The following ELMO1 variants were observed in gnomAD, a reference collection of about 807,000 sequenced individuals.
ELMO1 encodes the protein engulfment and cell motility 1.
In ELMO1, 26 loss-of-function variants were observed where a neutral mutation model predicts 98.9. The ratio of observed to expected loss-of-function variants is 0.26; its 90% confidence interval spans 0.19 to 0.36. The LOEUF (loss-of-function observed/expected upper bound fraction) is 0.36, where lower values mean the gene tolerates loss of function less well. Among genes scored for constraint, ELMO1 ranks in the 10% least tolerant of loss-of-function variants. The pLI is 1.00. For missense variants in ELMO1, 627 were observed against 935.2 expected, an observed-to-expected ratio of 0.67 and a Z score of 4.30; for synonymous variants, 346 against 346.0, an observed-to-expected ratio of 1.00 and a Z score of 0.00.
rs73692604 is a variant in ELMO1 at position 37,113,647 on chromosome 7, C to T, written c.1192-16920G>A. ...AACAAGGGTGCTATGGACGGAATTG[C>T]ACCCTTCCAAAATTCACATGTTGAA... is the stretch of plus-strand genomic sequence containing the variant. On this transcript the variant is annotated intron_variant, in intron 14 of 21. Transcript: ENST00000310758. Among the ~76,000 whole-genome samples the T allele has an allele frequency of 4.1e-3, 630 of 152,290 alleles. 3 individuals are homozygous for T. Among genetic ancestry groups the T allele is most frequent in the African/African-American group, 0.013 (559 of 41,566 alleles).
chr7:37,309,570 C>T (rs564870721), intron 4 of ELMO1, among the ~76,000 whole-genome samples: 75 of 152,204 alleles, frequency 4.9e-4, no homozygotes, highest in African/African-American at 1.7e-3. Context: ...AAAGGCAGCA[C>T]GAAAGGGAAT....
chr7:37,437,326 G>A (rs1194842084), intron 1 of ELMO1, among the ~76,000 whole-genome samples: 1 of 152,124 alleles, frequency 6.6e-6, no homozygotes, highest in East Asian at 1.9e-4. Flanking sequence ...CAATAAAACA[G>A]TAAAATCTCA....
chr7:37,381,217 T>G (rs887522060), intron 1 of ELMO1, among the ~76,000 whole-genome samples: 7 of 152,230 alleles, frequency 4.6e-5, no homozygotes, highest in Non-Finnish European at 8.8e-5. Context: ...TGTCTAAGAT[T>G]ACCCAGCTGC....
intron 1 of ELMO1, among the ~76,000 whole-genome samples, chr7:37,344,517 C>T (rs1442542437): frequency 1.3e-5 from 2 of 152,174 alleles, no homozygotes; most frequent in African/African-American, 4.8e-5. Flanking sequence ...TATCATAAAC[C>T]AAACTGTGAT....
chr7:37,130,869 T>C (rs1407632006), intron 14 of ELMO1, among the ~76,000 whole-genome samples: 3 of 151,942 alleles, frequency 2.0e-5, no homozygotes, highest in Non-Finnish European at 2.9e-5. Flanking sequence ...ATTTATCAAA[T>C]GAAAGATATA....
chr7:37,042,226 A>G (rs1795557404), intron 15 of ELMO1, among the ~76,000 whole-genome samples: 1 of 151,984 alleles, frequency 6.6e-6, no homozygotes, highest in Non-Finnish European at 1.5e-5. Context: ...AAAAAAAAAA[A>G]AGAAGAGAGA....
At chr7:36,983,119 G>A (rs540937146) in intron 16 of ELMO1, among the ~76,000 whole-genome samples, 2 of 152,222 alleles carry the variant, frequency 1.3e-5, no homozygotes, top group Non-Finnish European at 2.9e-5. Context: ...GCAAATGTAA[G>A]CAAAGGGCAG....
chr7:37,013,014 G>A (rs966404783), intron 16 of ELMO1, among the ~76,000 whole-genome samples: 10 of 152,078 alleles, frequency 6.6e-5, no homozygotes, highest in Non-Finnish European at 7.4e-5. Context: ...GAAAACATTC[G>A]CCTTGATAAC....
intron 18 of ELMO1, among the ~76,000 whole-genome samples, chr7:36,880,936 C>T (rs551816885): frequency 1.2e-4 from 19 of 152,338 alleles, no homozygotes; most frequent in Non-Finnish European, 7.3e-5. Flanking sequence ...CTTTCCAAAG[C>T]TGAAATTCCC....
At chr7:37,221,181 C>T (rs10229046) in intron 10 of ELMO1, among the ~76,000 whole-genome samples, 46,474 of 151,928 alleles carry the variant, frequency 0.31, 7,700 homozygotes, top group African/African-American at 0.41. Context: ...CCAAATCAAA[C>T]GTCCAGGAAA....
At chr7:37,018,148 CAG>C (rs1794055822) in intron 15 of ELMO1, among the ~76,000 whole-genome samples, 1 of 137,442 alleles carries the variant, frequency 7.3e-6, no homozygotes, top group Non-Finnish European at 1.5e-5. Context: ...TTTTTTGAGA[CAG>C]AGTTTTGCTC....
At chr7:36,940,869 A>T (rs2129094582) in intron 16 of ELMO1, among the ~76,000 whole-genome samples, 1 of 152,354 alleles carries the variant, frequency 6.6e-6, no homozygotes. Flanking sequence ...TTGCATTAAC[A>T]GCGACAGTTA....
intron 16 of ELMO1, among the ~76,000 whole-genome samples, chr7:36,904,618 G>C (rs759939353): frequency 1.5e-4 from 23 of 152,192 alleles, no homozygotes; most frequent in African/African-American, 7.2e-5. Context: ...AAGGCTCAAG[G>C]CATCTTTATA....
intron 16 of ELMO1, among the ~76,000 whole-genome samples, chr7:36,954,270 A>T (rs1037971166): frequency 6.6e-6 from 1 of 152,148 alleles, no homozygotes; most frequent in Admixed American, 6.5e-5. Context: ...AAGTAAGGGA[A>T]TTAATGGGGG....
At chr7:37,429,413 A>G (rs998881957) in intron 1 of ELMO1, 5 of 152,262 alleles carry the variant, frequency 3.3e-5, no homozygotes, top group African/African-American at 1.2e-4. Context: ...GAGCAATCCC[A>G]AATACGTTGG....
chr7:37,150,731 G>A (rs1788302934), intron 13 of ELMO1, among the ~76,000 whole-genome samples: 1 of 152,086 alleles, frequency 6.6e-6, no homozygotes, highest in South Asian at 2.1e-4. Context: ...AATCTGGAAG[G>A]AAATTTGCCA....
chr7:37,144,850 G>C (rs1325472509), intron 13 of ELMO1, among the ~76,000 whole-genome samples: 1 of 152,114 alleles, frequency 6.6e-6, no homozygotes, highest in East Asian at 1.9e-4. Context: ...TTTCTTTTCT[G>C]TTACCTGCCT....
rs145891272 is a variant in ELMO1, at chr7:37,313,505, G to A, written c.192+1345C>T. Among the ~76,000 whole-genome samples, 41 of 152,248 alleles carry A rather than the reference G, an allele frequency of 2.7e-4. 1 individual carries two copies. In the East Asian group the frequency reaches 7.7e-3, roughly 29 times the overall value. ...CTCCCAAAGTGCTGGAATTACAGAC[G>A]TGAGCCACCGCACCTGGCCCAGTTC... On this transcript the variant is annotated intron_variant, in intron 4 of 21. Coordinates refer to ENST00000310758, the MANE Select transcript of ELMO1 (RefSeq NM_014800.11).
chr7:37,421,878 T>A (rs1025333564), intron 1 of ELMO1, among the ~76,000 whole-genome samples: 12 of 152,164 alleles, frequency 7.9e-5, no homozygotes, highest in African/African-American at 2.9e-4. Flanking sequence ...TACAATGCAG[T>A]GGGACTGAAC....
Sources: allele counts gnomAD v4.1 joint callset (sites outside exome capture counted in the v4.1 genomes callset), GRCh38; gene constraint gnomAD v4.1.1; transcripts MANE v1.5; gene names NCBI Gene and HGNC (gene_info 2026-07-23, HGNC 2026-07-21).